Variants in ANXA4 observed in about 807,000 individuals in gnomAD.
The protein encoded by ANXA4 is 35-beta calcimedin.
ANXA4 carries 39 observed loss-of-function variants against 49.8 expected under a neutral mutation model. That is an observed-to-expected ratio of 0.78 (90% CI 0.61 to 1.02). ANXA4 has a LOEUF of 1.02. Among genes scored for constraint, ANXA4 ranks in the 50% least tolerant of loss-of-function variants. The pLI is 0.00. For synonymous variants in ANXA4, 134 were observed against 152.5 expected (o/e 0.88, Z 0.89); for missense variants, 360 against 410.1 (o/e 0.88, Z 1.05).
intron 3 of ANXA4, among the ~76,000 whole-genome samples, chr2:69,726,046 G>A (rs1455760360): frequency 2.0e-5 from 3 of 152,168 alleles, no homozygotes; most frequent in African/African-American, 7.2e-5. Flanking sequence ...GCCTGATATG[G>A]TTTTGCTCTG....
intron 2 of ANXA4, among the ~76,000 whole-genome samples, chr2:69,782,426 A>C (rs930266783): frequency 6.6e-6 from 1 of 152,182 alleles, no homozygotes; most frequent in Non-Finnish European, 1.5e-5. Flanking sequence ...AGGCTTATTC[A>C]TGTGTGCCCC....
rs1573257916 is a variant in ANXA4, at chr2:69,788,801, G to A, written c.97+660G>A. On this transcript the variant is annotated intron_variant, in intron 3 of 12. Transcript: ENST00000394295. ...TGCAGTGAGCTGAGATTGCACCACT[G>A]CACTCCAGGCTGGGCGACAGAGCGA... 3.4e-5 allele frequency among the ~76,000 whole-genome samples: 5 copies of A among 145,516 alleles called. No individual in the cohort carries two copies. The Middle Eastern group carries it at 0.014, about 401-fold the overall frequency.
intron 2 of ANXA4, among the ~76,000 whole-genome samples, chr2:69,656,315 A>G (rs199602083): frequency 5.5e-5 from 6 of 109,370 alleles, no homozygotes; most frequent in Admixed American, 1.2e-4. Context: ...GTATATATGT[A>G]TATATATGTA....
intron 9 of ANXA4, chr2:69,816,452 C>A: frequency 2.9e-6 from 1 of 349,634 alleles, no homozygotes; most frequent in Non-Finnish European, 5.3e-6. Context: ...GGAAACTGAC[C>A]TTCACAGTCA....
chr2:69,823,081 A>T (rs149622886), intron 12 of ANXA4, among the ~76,000 whole-genome samples: 5 of 149,810 alleles, frequency 3.3e-5, no homozygotes, highest in Non-Finnish European at 7.4e-5. Context: ...ATAGTATATA[A>T]TTTATTATAT....
intron 2 of ANXA4, among the ~76,000 whole-genome samples, chr2:69,684,975 C>T (rs1458054281): frequency 3.3e-5 from 5 of 152,132 alleles, no homozygotes; most frequent in African/African-American, 1.2e-4. Context: ...AGAATGATGT[C>T]TTTGGGTCTT....
intron 3 of ANXA4, among the ~76,000 whole-genome samples, chr2:69,732,911 C>A (rs1335748012): frequency 6.6e-6 from 1 of 152,202 alleles, no homozygotes; most frequent in African/African-American, 2.4e-5. Context: ...GTGGGTGCCA[C>A]CTTTTCCTTG....
Position 69,816,152 on chromosome 2 carries a change from C to A in ANXA4, c.586C>A (p.Leu196Ile), listed in dbSNP as rs1673981250. 1 of 1,614,050 alleles carries A rather than the reference C, an allele frequency of 6.2e-7. No homozygotes were observed. Among genetic ancestry groups the A allele is most frequent in the African/African-American group, 1.3e-5 (1 of 74,932 alleles). The change falls in exon 9 of 13, where the codon CTA becomes ATA. Residue 196 changes from leucine to isoleucine, a missense_variant. Physicochemically the swap from Leu to Ile is conservative, Grantham distance 5. Transcript: ENST00000394295. ...ATGGGGGACAGATGAGGTGAAATTT[C>A]TAACTGTTCTCTGTTCCCGGAACCG... ...KKWGTDEVKF[L>I]TVLCSRNRNH... is the part of the protein sequence containing the mutation.
chr2:69,711,639 G>A (rs60050852), intron 2 of ANXA4, among the ~76,000 whole-genome samples: 33,504 of 152,102 alleles, frequency 0.22, 4,332 homozygotes, highest in East Asian at 0.45. Context: ...GAACACTTAA[G>A]ATGAGTGAGT....
chr2:69,730,930 G>A (rs1265200541), intron 3 of ANXA4, among the ~76,000 whole-genome samples: 1 of 152,176 alleles, frequency 6.6e-6, no homozygotes, highest in Non-Finnish European at 1.5e-5. Flanking sequence ...GGGAAGTGCT[G>A]CTGGGTAAGG....
intron 2 of ANXA4, among the ~76,000 whole-genome samples, chr2:69,674,620 G>A (rs1677326598): frequency 6.6e-6 from 1 of 152,140 alleles, no homozygotes; most frequent in Non-Finnish European, 1.5e-5. Flanking sequence ...TTATGCTTCT[G>A]TCTTTTTACA....
intron 2 of ANXA4, among the ~76,000 whole-genome samples, chr2:69,672,223 T>TTTTATTTATTTA (rs142289857): frequency 6.6e-6 from 1 of 151,828 alleles, no homozygotes. Flanking sequence ...TTATTATGTA[T>TTTTATTTATTTA]TTTATTTATT....
chr2:69,794,163 C>G (rs994036904), intron 3 of ANXA4, among the ~76,000 whole-genome samples: 1 of 152,232 alleles, frequency 6.6e-6, no homozygotes, highest in Admixed American at 6.5e-5. Context: ...GACTGCAGAT[C>G]CCTTTAGCAG....
intron 2 of ANXA4, among the ~76,000 whole-genome samples, chr2:69,666,273 C>A (rs116156011): frequency 0.011 from 1,653 of 152,198 alleles, 29 homozygotes; most frequent in African/African-American, 0.038. Context: ...GAAATGCATA[C>A]CAAAACCACA....
chr2:69,653,938 T>C (rs1278783287), intron 2 of ANXA4, among the ~76,000 whole-genome samples: 2 of 152,214 alleles, frequency 1.3e-5, no homozygotes, highest in Non-Finnish European at 2.9e-5. Flanking sequence ...TTTCCATTTG[T>C]TTGTGTCCTC....
chr2:69,770,278 A>G (rs1480808788), intron 1 of ANXA4, among the ~76,000 whole-genome samples: 1 of 152,246 alleles, frequency 6.6e-6, no homozygotes, highest in African/African-American at 2.4e-5. Flanking sequence ...AAGGAAAAAA[A>G]GAGAGTTACT....
rs1285667553 is a variant in ANXA4, at chr2:69,802,494, C to T, written c.98-2039C>T. ...TTGGGAGGCCTAGGTGGGCAGAGCA[C>T]AAGGTCAAAAGATCGAGACCATTCT... On this transcript the variant is annotated intron_variant, in intron 3 of 12. Coordinates refer to ENST00000394295, the MANE Select transcript of ANXA4 (RefSeq NM_001153.5). 1.4e-4 allele frequency among the ~76,000 whole-genome samples: 22 copies of T among 152,074 alleles called. 1 individual carries two copies. The highest frequency in any genetic ancestry group is 5.3e-4 in the African/African-American group (22 of 41,398).
chr2:69,750,122 A>C (rs926047566), intron 1 of ANXA4, among the ~76,000 whole-genome samples: 34 of 152,216 alleles, frequency 2.2e-4, no homozygotes, highest in African/African-American at 8.2e-4. Context: ...ATTAATTAAA[A>C]AAAAATAGTG....
At position 69,808,014 on chromosome 2, in the gene ANXA4, T is replaced by A; in HGVS notation, c.397+18T>A. On this transcript the variant is annotated intron_variant, in intron 6 of 12. Transcript: ENST00000394295. ...CCAGCAGCGTACGTGACATCCGCAG[T>A]GGCCCTGGCTGAGGTTTCGCTGTGA... 1 of 1,611,856 alleles carries A rather than the reference T, an allele frequency of 6.2e-7. No homozygotes were observed.
Sources: allele counts gnomAD v4.1 joint callset (sites outside exome capture counted in the v4.1 genomes callset), GRCh38; gene constraint gnomAD v4.1.1; transcripts MANE v1.5; gene names NCBI Gene and HGNC (gene_info 2026-07-23, HGNC 2026-07-21).